KLHDC4: variants seen among roughly 807,000 people sequenced by gnomAD.
The protein encoded by KLHDC4 is kelch domain containing 4.
Under a neutral mutation model 62.4 loss-of-function variants are expected in KLHDC4, and 90 were observed. The ratio of observed to expected loss-of-function variants is 1.44; its 90% confidence interval spans 1.22 to 1.72. KLHDC4 has a LOEUF of 1.72. Among genes scored for constraint, KLHDC4 ranks in the 40% most tolerant of loss-of-function variants. KLHDC4 has a pLI of 0.00. For missense variants in KLHDC4, 1,025 were observed against 699.7 expected (o/e 1.47, Z -5.25); for synonymous variants, 386 against 284.4 (o/e 1.36, Z -3.59).
intron 5 of KLHDC4, among the ~76,000 whole-genome samples, chr16:87,747,097 G>A (rs900113301): frequency 3.9e-5 from 6 of 152,184 alleles, no homozygotes; most frequent in East Asian, 1.9e-4. Context: ...AGATACCCAC[G>A]ATCCGAGTGA....
chr16:87,736,254 C>T (rs1257572277), intron 5 of KLHDC4, among the ~76,000 whole-genome samples: 1 of 152,224 alleles, frequency 6.6e-6, no homozygotes, highest in Non-Finnish European at 1.5e-5. Flanking sequence ...CACTGTAACA[C>T]AATGGCAAGT....
intron 4 of KLHDC4, among the ~76,000 whole-genome samples, chr16:87,752,000 G>A (rs1230114860): frequency 1.4e-5 from 2 of 142,148 alleles, no homozygotes. Flanking sequence ...GCATGAACCC[G>A]GGAGGCATGA....
At chr16:87,750,626 G>A (rs1271190362) in intron 4 of KLHDC4, among the ~76,000 whole-genome samples, 1 of 152,222 alleles carries the variant, frequency 6.6e-6, no homozygotes, top group Non-Finnish European at 1.5e-5. Flanking sequence ...ACCCGTCTAA[G>A]GTCAAGTGCG....
At chr16:87,760,770 CG>C (rs1196237365) in intron 2 of KLHDC4, among the ~76,000 whole-genome samples, 1 of 152,170 alleles carries the variant, frequency 6.6e-6, no homozygotes, top group East Asian at 1.9e-4. Flanking sequence ...CAGCGACTCA[CG>C]CCTGTAATCC....
At chr16:87,732,507 TA>T (rs1189829474) in intron 5 of KLHDC4, among the ~76,000 whole-genome samples, 6 of 152,182 alleles carry the variant, frequency 3.9e-5, no homozygotes, top group East Asian at 1.9e-4. Flanking sequence ...TACATGGCAA[TA>T]AAAAAATACA....
intron 8 of KLHDC4, among the ~76,000 whole-genome samples, chr16:87,712,876 C>A (rs2036174752): frequency 6.6e-6 from 1 of 152,190 alleles, no homozygotes; most frequent in Admixed American, 6.5e-5. Flanking sequence ...TCTAGCCCAG[C>A]CCTCTGGTCC....
chr16:87,716,660 G>A (rs1456438163), intron 7 of KLHDC4, among the ~76,000 whole-genome samples: 1 of 152,216 alleles, frequency 6.6e-6, no homozygotes, highest in Admixed American at 6.5e-5. Context: ...GCCGGGCACG[G>A]TGGCTTACAC....
At chr16:87,737,962 A>G (rs2041621643) in intron 5 of KLHDC4, among the ~76,000 whole-genome samples, 1 of 152,200 alleles carries the variant, frequency 6.6e-6, no homozygotes, top group Non-Finnish European at 1.5e-5. Context: ...GTCAGCAAAC[A>G]GCACAACGGG....
intron 7 of KLHDC4, among the ~76,000 whole-genome samples, chr16:87,719,094 G>A (rs887528247): frequency 6.6e-6 from 1 of 151,778 alleles, no homozygotes; most frequent in Non-Finnish European, 1.5e-5. Flanking sequence ...TGGGAGGGAG[G>A]TGGTGGATGC....
At position 87,765,973 on chromosome 16, in the gene KLHDC4, G is replaced by C; in HGVS notation, c.-83C>G. 9 of 1,357,788 alleles carry C rather than the reference G, an allele frequency of 6.6e-6. 1 individual carries two copies. Among genetic ancestry groups the C allele is most frequent in the Non-Finnish European group, 9.2e-6 (9 of 981,788 alleles). The allele number at this position is 1,357,788 out of a possible 1,614,324, so 84.1% of individuals were successfully genotyped here. A position where few individuals can be genotyped will look rare whatever the true frequency, so the allele number is the denominator to read the frequency against. On this transcript the variant is annotated 5_prime_UTR_variant, in exon 1 of 12. Transcript: ENST00000270583. ...GCTCGGAAACAGGTGCTCGTGGGGC[G>C]GAGCTCGGCGCACAGAAATGGAGTC...
chr16:87,745,499 T>C (rs2042907084), intron 5 of KLHDC4, among the ~76,000 whole-genome samples: 1 of 152,274 alleles, frequency 6.6e-6, no homozygotes, highest in Non-Finnish European at 1.5e-5. Flanking sequence ...CCCTGTGGCA[T>C]CATCTTCCAC....
At chr16:87,758,543 G>T (rs922921496) in intron 2 of KLHDC4, among the ~76,000 whole-genome samples, 1 of 152,158 alleles carries the variant, frequency 6.6e-6, no homozygotes, top group African/African-American at 2.4e-5. Flanking sequence ...AGGGGGCTGG[G>T]GGAGGGGAAA....
rs1161775474 is a variant in KLHDC4, at chr16:87,711,422, A to G, written c.857T>C (p.Met286Thr). Residue 286 changes from methionine (M) to threonine (T), a missense_variant, in exon 9 of 12, where the codon ATG (methionine) becomes ACG (threonine). Physicochemically the swap from Met to Thr is moderately conservative, Grantham distance 81. Coordinates refer to ENST00000270583, the MANE Select transcript of KLHDC4 (RefSeq NM_017566.4). ...GGTGGGCTTGACCCCCGAAGGGTTCATCCGAGTCCAAACCCACTTGTCTGT... is the reference window on the plus strand; with the variant it reads ...GGTGGGCTTGACCCCCGAAGGGTTCGTCCGAGTCCAAACCCACTTGTCTGT... ...GREDKWVWTRMNPSGVKPTPR... is the reference protein window; with the variant it reads ...GREDKWVWTRTNPSGVKPTPR... 6.2e-7 allele frequency: 1 copy of G among 1,611,760 alleles called. No individual in the cohort carries two copies. The highest frequency in any genetic ancestry group is 1.3e-5 in the African/African-American group (1 of 75,042).
At chr16:87,746,311 G>C (rs979564313) in intron 5 of KLHDC4, among the ~76,000 whole-genome samples, 1 of 151,736 alleles carries the variant, frequency 6.6e-6, no homozygotes, top group African/African-American at 2.4e-5. Flanking sequence ...GAAAGAGAGA[G>C]AGAGAAAAGA....
In KLHDC4 at chr16:87,709,421, G is replaced by C. The variant is rs367588759; in HGVS notation, c.1291C>G (p.Pro431Ala). ...EAGSPAPGPC[P>A]RSNAMLAVKH... ...ACAGCCAGCATGGCGTTGGAGCGTG[G>C]ACACGGCCCAGGTGCGGGGCTGCCG... Residue 431 changes from proline (P) to alanine (A), a missense_variant, in exon 10 of 12, where the codon CCA becomes GCA. Pro to Ala is a conservative substitution (Grantham distance 27). Coordinates refer to ENST00000270583, the MANE Select transcript of KLHDC4 (RefSeq NM_017566.4). The C allele has an allele frequency of 1.9e-5, 30 of 1,612,968 alleles. No individual in the cohort carries two copies. The highest frequency in any genetic ancestry group is 1.6e-4 in the Middle Eastern group (1 of 6,084).
chr16:87,735,263 G>A (rs1429274546), intron 5 of KLHDC4, among the ~76,000 whole-genome samples: 51 of 147,012 alleles, frequency 3.5e-4, no homozygotes, highest in African/African-American at 1.3e-3. Context: ...TCGCACCACT[G>A]CACTCCAGCC....
Position 87,761,959 on chromosome 16 carries a change from GT to G in KLHDC4, c.180del (p.Ser62HisfsTer4). 1 of 1,613,772 alleles carries G rather than the reference GT, an allele frequency of 6.2e-7. No individual in the cohort carries two copies. The highest frequency in any genetic ancestry group is 8.5e-7 in the Non-Finnish European group (1 of 1,179,868). ...ATGCTACTTGCTCACCTTGGTGAGG[GT>G]GGGGGGCACGGAAGTTCCACAGTCT... is the stretch of plus-strand genomic sequence containing the variant. The part of the protein sequence containing the change: ...RTQTVELPCP[P>X]PSPRLNASLS... On this transcript the variant is annotated frameshift_variant, in exon 2 of 12. Transcript: ENST00000270583. LOFTEE classifies it high-confidence loss of function.
intron 7 of KLHDC4, among the ~76,000 whole-genome samples, chr16:87,719,957 T>C (rs538510717): frequency 2.8e-4 from 43 of 152,278 alleles, no homozygotes; most frequent in African/African-American, 1.0e-3. Flanking sequence ...CCGCACAATG[T>C]AGTACAGGCC....
At chr16:87,724,052 G>A (rs1046934484) in intron 7 of KLHDC4, among the ~76,000 whole-genome samples, 2 of 152,142 alleles carry the variant, frequency 1.3e-5, no homozygotes, top group African/African-American at 4.8e-5. Context: ...TGGCCAGGCT[G>A]ATCTCGAACT....
Sources: gnomAD v4.1 joint callset for allele counts (sites outside exome capture counted in the v4.1 genomes callset) on GRCh38, gnomAD v4.1.1 for gene constraint, MANE v1.5 for transcripts, NCBI Gene and HGNC (gene_info 2026-07-23, HGNC 2026-07-21) for gene names.